Variants in PTPRD observed in about 807,000 individuals in gnomAD.
PTPRD encodes the protein protein tyrosine phosphatase receptor type D, also known as receptor-type tyrosine-protein phosphatase delta.
A neutral mutation model predicts 214.5 loss-of-function variants in PTPRD; 34 were observed. That is an observed-to-expected ratio of 0.16 (90% confidence interval 0.12 to 0.21). The LOEUF is 0.21. Ranked by LOEUF, PTPRD falls within the 10% of genes least tolerant of loss-of-function variation. The pLI is 1.00. For missense variants in PTPRD, 2,545 were observed against 2,398.7 expected, an observed-to-expected ratio of 1.06 and a Z score of -1.27; for synonymous variants, 1,128 against 845.7, an observed-to-expected ratio of 1.33 and a Z score of -5.79.
intron 12 of PTPRD, among the ~76,000 whole-genome samples, chr9:8,696,579 G>C (rs1459716467): frequency 6.6e-6 from 1 of 152,098 alleles, no homozygotes; most frequent in Non-Finnish European, 1.5e-5. Flanking sequence ...CACAGAAGAG[G>C]GGGCAGGGGA....
intron 10 of PTPRD, among the ~76,000 whole-genome samples, chr9:9,169,937 G>C (rs2099911309): frequency 6.6e-6 from 1 of 152,140 alleles, no homozygotes; most frequent in African/African-American, 2.4e-5. Context: ...GGAACTGCAA[G>C]ATTTGATGGC....
At chr9:8,345,953 C>G (rs562873763) in intron 39 of PTPRD, among the ~76,000 whole-genome samples, 1 of 152,210 alleles carries the variant, frequency 6.6e-6, no homozygotes, top group Non-Finnish European at 1.5e-5. Flanking sequence ...CCTTCTTTCT[C>G]TCAGTAGTAG....
chr9:9,319,415 T>C (rs1965231738), intron 9 of PTPRD, among the ~76,000 whole-genome samples: 1 of 152,166 alleles, frequency 6.6e-6, no homozygotes, highest in Admixed American at 6.5e-5. Context: ...CAATCTTTAG[T>C]TGGCCAAAGA....
chr9:9,885,154 C>T (rs1257606859), intron 5 of PTPRD, among the ~76,000 whole-genome samples: 1 of 151,798 alleles, frequency 6.6e-6, no homozygotes, highest in African/African-American at 2.4e-5. Flanking sequence ...TAAGGTACTG[C>T]ATGGTTTCCT....
intron 4 of PTPRD, among the ~76,000 whole-genome samples, chr9:9,985,816 C>G (rs1029183801): frequency 6.6e-6 from 1 of 151,648 alleles, no homozygotes; most frequent in Non-Finnish European, 1.5e-5. Flanking sequence ...AATGAGTTAT[C>G]ATATTTGAAA....
In PTPRD at chr9:9,198,100, T is replaced by C. The variant is rs115528794; in HGVS notation, c.-202-14737A>G. On this transcript the variant is annotated intron_variant, in intron 9 of 45. Coordinates refer to ENST00000381196, the MANE Select transcript of PTPRD (RefSeq NM_002839.4). ...AAAAGTGTGCATTTAGGTTTACTTA[T>C]ATTTTTGATAATAAAATTTGAGGTT... Among the ~76,000 whole-genome samples the C allele has an allele frequency of 8.8e-3, 1,335 of 152,376 alleles. 18 individuals carry two copies. Among genetic ancestry groups the C allele is most frequent in the African/African-American group, 0.031 (1,296 of 41,592 alleles).
intron 5 of PTPRD, among the ~76,000 whole-genome samples, chr9:9,825,835 T>C (rs2052622009): frequency 6.6e-6 from 1 of 151,828 alleles, no homozygotes; most frequent in African/African-American, 2.4e-5. Flanking sequence ...AATTATAATT[T>C]TTCTTCCTTT....
At chr9:8,768,159 C>CCTTG (rs2094907127) in intron 11 of PTPRD, among the ~76,000 whole-genome samples, 1 of 152,152 alleles carries the variant, frequency 6.6e-6, no homozygotes, top group Non-Finnish European at 1.5e-5. Context: ...CTTTGAGATG[C>CCTTG]CAAGGCAGGA....
At chr9:10,529,024 A>G (rs999669414) in intron 2 of PTPRD, among the ~76,000 whole-genome samples, 1 of 152,164 alleles carries the variant, frequency 6.6e-6, no homozygotes, top group African/African-American at 2.4e-5. Flanking sequence ...TGAAGCTCCT[A>G]GTTTAGTTTC....
intron 2 of PTPRD, among the ~76,000 whole-genome samples, chr9:10,450,384 T>A (rs1297450240): frequency 6.6e-6 from 1 of 152,086 alleles, no homozygotes; most frequent in East Asian, 1.9e-4. Flanking sequence ...CTAATTGTCA[T>A]ACTAGCTTGC....
Position 9,627,431 on chromosome 9 carries a change from G to C in PTPRD, c.-286-52650C>G, listed in dbSNP as rs2095457402. ...ATAATTTGTTACTTTGCTCTGATGAGAGAGCTAGAGATCAATGAATCAATT... is the reference window on the plus strand; with the variant it reads ...ATAATTTGTTACTTTGCTCTGATGACAGAGCTAGAGATCAATGAATCAATT... On this transcript the variant is annotated intron_variant, in intron 7 of 45. Coordinates refer to ENST00000381196, the MANE Select transcript of PTPRD (RefSeq NM_002839.4). Among the ~76,000 whole-genome samples, 3 of 152,184 alleles carry C rather than the reference G, an allele frequency of 2.0e-5. No homozygotes were observed. In the South Asian group the frequency reaches 6.2e-4, roughly 32 times the overall value.
chr9:8,417,421 G>C (rs142477122), intron 35 of PTPRD, among the ~76,000 whole-genome samples: 1 of 152,038 alleles, frequency 6.6e-6, no homozygotes, highest in Admixed American at 6.6e-5. Flanking sequence ...GAGCTGTATT[G>C]GCAGAAACTA....
chr9:8,587,683 T>C (rs1255917051), intron 14 of PTPRD, among the ~76,000 whole-genome samples: 1 of 152,144 alleles, frequency 6.6e-6, no homozygotes, highest in Non-Finnish European at 1.5e-5. Flanking sequence ...AGGTATGAAA[T>C]ATCTGACCTC....
intron 2 of PTPRD, among the ~76,000 whole-genome samples, chr9:10,397,747 A>G (rs1218960308): frequency 3.3e-5 from 5 of 151,976 alleles, no homozygotes; most frequent in Non-Finnish European, 7.4e-5. Context: ...AGTGAAACCT[A>G]CAAGTGGTGG....
chr9:8,953,399 C>T (rs929921128), intron 11 of PTPRD, among the ~76,000 whole-genome samples: 1 of 151,798 alleles, frequency 6.6e-6, no homozygotes, highest in Admixed American at 6.6e-5. Flanking sequence ...CATCTTCACA[C>T]AGAACCTAGG....
At chr9:8,689,845 T>C (rs2097766538) in intron 12 of PTPRD, among the ~76,000 whole-genome samples, 1 of 152,148 alleles carries the variant, frequency 6.6e-6, no homozygotes, top group African/African-American at 2.4e-5. Flanking sequence ...CAGTGGTTCA[T>C]GCCTGTAATC....
chr9:9,723,268 A>G (rs1402833783), intron 7 of PTPRD, among the ~76,000 whole-genome samples: 1 of 152,066 alleles, frequency 6.6e-6, no homozygotes, highest in Non-Finnish European at 1.5e-5. Context: ...TGCTGGGAAT[A>G]AAATATTACT....
intron 11 of PTPRD, among the ~76,000 whole-genome samples, chr9:8,793,147 AG>A (rs1380506254): frequency 6.6e-6 from 1 of 152,194 alleles, no homozygotes; most frequent in Non-Finnish European, 1.5e-5. Context: ...TATTGTCTGT[AG>A]CCCTGTCATT....
At position 9,961,404 on chromosome 9, in the gene PTPRD, A is replaced by T. The variant is rs1440180938; in HGVS notation, c.-471-22794T>A. ...ATAAGTGAAATTGAGAACAAACAAG[A>T]AGAATGATTTCCTATGGACCTTTTG... On this transcript the variant is annotated intron_variant, in intron 4 of 45. Coordinates refer to ENST00000381196, the MANE Select transcript of PTPRD (RefSeq NM_002839.4). Among the ~76,000 whole-genome samples the T allele has an allele frequency of 2.0e-5, 3 of 152,190 alleles. No individual in the cohort carries two copies. The South Asian group carries it at 6.2e-4, about 31-fold the overall frequency.
Sources: gnomAD v4.1 joint callset for allele counts (sites outside exome capture counted in the v4.1 genomes callset) on GRCh38, gnomAD v4.1.1 for gene constraint, MANE v1.5 for transcripts, NCBI Gene and HGNC (gene_info 2026-07-23, HGNC 2026-07-21) for gene names.